The following RERE variants were observed in gnomAD, a reference collection of about 807,000 sequenced individuals.
RERE encodes the protein arginine-glutamic acid dipeptide repeats protein.
RERE carries 40 observed loss-of-function variants against 146.1 expected under a neutral mutation model. The observed-to-expected ratio is 0.27, with a 90% CI of 0.21 to 0.36. The LOEUF (loss-of-function observed/expected upper bound fraction) is 0.36. RERE is among the 10% of genes least tolerant of loss of function. The probability of loss-of-function intolerance (pLI) is 1.00; values close to 1 mark genes in which losing one functional copy is unlikely to be tolerated. For synonymous variants in RERE, 1,003 were observed against 866.0 expected, an observed-to-expected ratio of 1.16 and a Z score of -2.78; for missense variants, 1,933 against 2,138.7, an observed-to-expected ratio of 0.90 and a Z score of 1.90.
At chr1:8,642,269 C>T (rs1205223723) in intron 2 of RERE, among the ~76,000 whole-genome samples, 1 of 152,178 alleles carries the variant, frequency 6.6e-6, no homozygotes, top group Non-Finnish European at 1.5e-5. Flanking sequence ...GAGGTAGGTA[C>T]TCTTATCCCC....
intron 21 of RERE, 117 bp downstream of exon 21, chr1:8,355,983 G>T: frequency 8.6e-7 from 1 of 1,156,082 alleles, no homozygotes; most frequent in Non-Finnish European, 1.2e-6. Context: ...TGCAGGGGGA[G>T]CGAACCCACC....
At chr1:8,802,351 T>A (rs186501314) in intron 1 of RERE, among the ~76,000 whole-genome samples, 4 of 152,336 alleles carry the variant, frequency 2.6e-5, no homozygotes, top group Admixed American at 2.6e-4. Flanking sequence ...CCTGCCTGCA[T>A]CTGCTATAAA....
intron 7 of RERE, chr1:8,526,147 G>T: frequency 1.2e-6 from 1 of 864,636 alleles, no homozygotes; most frequent in Non-Finnish European, 1.4e-6. Context: ...GGGGATCCAA[G>T]ACAGCCAACA....
intron 1 of RERE, chr1:8,796,488 G>A (rs1346028168): frequency 6.6e-6 from 1 of 150,808 alleles, no homozygotes; most frequent in Non-Finnish European, 1.5e-5. Context: ...TTTAAGGTAG[G>A]AAAAAAACTT....
intron 4 of RERE, among the ~76,000 whole-genome samples, chr1:8,568,133 AC>A (rs1570449296): frequency 6.6e-6 from 1 of 151,910 alleles, no homozygotes; most frequent in African/African-American, 2.4e-5. Context: ...CCAGAACAGA[AC>A]AAAAAAAAGC....
chr1:8,555,138 G>A (rs1645990309), intron 6 of RERE, among the ~76,000 whole-genome samples: 1 of 152,200 alleles, frequency 6.6e-6, no homozygotes, highest in African/African-American at 2.4e-5. Context: ...GGCAAACTAT[G>A]GCCAGAAAAG....
At chr1:8,808,054 G>GA (rs762507429) in intron 1 of RERE, among the ~76,000 whole-genome samples, 6 of 147,298 alleles carry the variant, frequency 4.1e-5, no homozygotes, top group Non-Finnish European at 5.9e-5. Flanking sequence ...CGAGGTGGGA[G>GA]AATCACTTGG....
chr1:8,542,089 G>A (rs1158816746), intron 6 of RERE, among the ~76,000 whole-genome samples: 2 of 152,104 alleles, frequency 1.3e-5, no homozygotes, highest in Non-Finnish European at 2.9e-5. Context: ...CAACGTAAAT[G>A]CCAGAAGCAT....
chr1:8,475,098 G>C (rs1256650487), intron 10 of RERE, among the ~76,000 whole-genome samples: 1 of 152,184 alleles, frequency 6.6e-6, no homozygotes. Context: ...TCTTAGCCAC[G>C]TGCAGTGGCT....
At chr1:8,415,261 T>C (rs960087095) in intron 12 of RERE, among the ~76,000 whole-genome samples, 15 of 152,242 alleles carry the variant, frequency 9.9e-5, no homozygotes. Flanking sequence ...AATTCAAACC[T>C]TCCATTTGTT....
chr1:8,518,583 A>G (rs895106701), intron 7 of RERE, among the ~76,000 whole-genome samples: 1 of 152,196 alleles, frequency 6.6e-6, no homozygotes, highest in African/African-American at 2.4e-5. Flanking sequence ...AATACACTAC[A>G]TTTTAAGAAA....
chr1:8,667,906 G>C (rs1040778434), intron 1 of RERE, among the ~76,000 whole-genome samples: 4 of 152,104 alleles, frequency 2.6e-5, no homozygotes, highest in Non-Finnish European at 5.9e-5. Context: ...TTTTTGTTGT[G>C]GGGGGCTATC....
intron 1 of RERE, chr1:8,786,119 C>T (rs905268891): frequency 6.6e-6 from 3 of 452,774 alleles, no homozygotes; most frequent in African/African-American, 6.1e-5. Flanking sequence ...AGCAGTCTAA[C>T]TTTCTTTTTT....
chr1:8,496,150 T>TAAAAAAAAAAAAAAAAAAAAAAAA (rs36115213), intron 9 of RERE, among the ~76,000 whole-genome samples: 8 of 118,434 alleles, frequency 6.8e-5, no homozygotes, highest in African/African-American at 2.4e-4. Context: ...GACCCTGTCT[T>TAAAAAAAAAAAAAAAAAAAAAAAA]AAAAAAAAAA....
chr1:8,544,265 T>G (rs1465486090), intron 6 of RERE, among the ~76,000 whole-genome samples: 1 of 152,188 alleles, frequency 6.6e-6, no homozygotes, highest in Non-Finnish European at 1.5e-5. Context: ...CAAAAAGAAT[T>G]TGGTTAACTA....
At position 8,732,589 on chromosome 1, in the gene RERE, T is replaced by C. The variant is rs976727256; in HGVS notation, c.-144-76148A>G. On this transcript the variant is annotated intron_variant, in intron 1 of 22. Coordinates refer to ENST00000400908, the MANE Select transcript of RERE (RefSeq NM_001042681.2). ...GATACTGTAACTGTGGATAAGCACA[T>C]GACATTTACGTTTCTGTCAAACCCC... Among the ~76,000 whole-genome samples, 7 of 152,272 alleles carry C rather than the reference T, an allele frequency of 4.6e-5. 1 individual carries two copies. The South Asian group carries it at 1.0e-3, about 23-fold the overall frequency.
chr1:8,715,310 G>A (rs971417074), intron 1 of RERE, among the ~76,000 whole-genome samples: 6 of 148,690 alleles, frequency 4.0e-5, no homozygotes, highest in East Asian at 2.1e-4. Flanking sequence ...TCAGGAGTTC[G>A]AGACCAGCCT....
chr1:8,379,742 C>T (rs949402378), intron 12 of RERE, among the ~76,000 whole-genome samples: 3 of 152,302 alleles, frequency 2.0e-5, no homozygotes, highest in South Asian at 4.1e-4. Context: ...TCTAGGAAAC[C>T]GCTCCCTACT....
chr1:8,798,117 G>A (rs1257348472), intron 1 of RERE, among the ~76,000 whole-genome samples: 7 of 152,156 alleles, frequency 4.6e-5, no homozygotes, highest in East Asian at 1.9e-4. Context: ...AACTTAGGCC[G>A]GATGCAGTGG....
Sources: gnomAD v4.1 joint callset for allele counts (sites outside exome capture counted in the v4.1 genomes callset) on GRCh38, gnomAD v4.1.1 for gene constraint, MANE v1.5 for transcripts, NCBI Gene and HGNC (gene_info 2026-07-23, HGNC 2026-07-21) for gene names.